The following XKR6 variants were observed in gnomAD, a reference collection of about 807,000 sequenced individuals.
The protein encoded by XKR6 is XK-related protein 6.
In XKR6, 22 loss-of-function variants were observed where a neutral mutation model predicts 56.7. The ratio of observed to expected loss-of-function variants is 0.39; its 90% CI spans 0.28 to 0.55. The LOEUF (loss-of-function observed/expected upper bound fraction) is 0.55. Among genes scored for constraint, XKR6 ranks in the 20% least tolerant of loss-of-function variants. The probability of loss-of-function intolerance (pLI) is 0.66; values close to 1 mark genes in which losing one functional copy is unlikely to be tolerated. For synonymous variants in XKR6, 524 were observed against 387.8 expected (o/e 1.35, Z -4.13); for missense variants, 852 against 889.0 (o/e 0.96, Z 0.53).
At chr8:10,984,732 C>CTCTCTCCCTCTATATATATATA in intron 1 of XKR6, among the ~76,000 whole-genome samples, 1 of 47,494 alleles carries the variant, frequency 2.1e-5, no homozygotes. Context: ...CTCTCTCTCT[C>CTCTCTCCCTCTATATATATATA]TATATATATA....
intron 1 of XKR6, among the ~76,000 whole-genome samples, chr8:10,929,661 G>A (rs1193808257): frequency 6.6e-6 from 1 of 152,234 alleles, no homozygotes; most frequent in Non-Finnish European, 1.5e-5. Flanking sequence ...GTTTCCTCAT[G>A]TATAAAATGC....
chr8:11,199,621 G>A (rs1231491049), intron 1 of XKR6, among the ~76,000 whole-genome samples: 4 of 152,174 alleles, frequency 2.6e-5, no homozygotes, highest in South Asian at 2.1e-4. Context: ...AAGTAAGAGG[G>A]CACAGATGTA....
At chr8:11,192,393 T>C (rs1423602140) in intron 1 of XKR6, among the ~76,000 whole-genome samples, 1 of 151,972 alleles carries the variant, frequency 6.6e-6, no homozygotes, top group African/African-American at 2.4e-5. Context: ...TCGTGATCCA[T>C]CCACCTCAGC....
chr8:11,157,184 G>A (rs1801561992), intron 1 of XKR6, among the ~76,000 whole-genome samples: 1 of 152,154 alleles, frequency 6.6e-6, no homozygotes, highest in Admixed American at 6.5e-5. Context: ...GAAAAGCAAG[G>A]AAAGACCAAG....
chr8:10,917,878 C>A (rs1800604040), intron 2 of XKR6, among the ~76,000 whole-genome samples: 1 of 152,206 alleles, frequency 6.6e-6, no homozygotes, highest in Non-Finnish European at 1.5e-5. Flanking sequence ...GGTTGAACTA[C>A]ACGTTTTCTC....
At chr8:10,924,165 G>C (rs1457869244) in intron 2 of XKR6, among the ~76,000 whole-genome samples, 1 of 152,228 alleles carries the variant, frequency 6.6e-6, no homozygotes, top group Non-Finnish European at 1.5e-5. Flanking sequence ...TACAAATGGG[G>C]CTTACACATG....
chr8:11,108,405 A>G (rs901815824), intron 1 of XKR6: 15 of 444,068 alleles, frequency 3.4e-5, no homozygotes, highest in Non-Finnish European at 6.3e-5. Flanking sequence ...GACATAAGAA[A>G]AAGTCACACT....
chr8:10,911,931 G>A (rs754059084), intron 2 of XKR6, among the ~76,000 whole-genome samples: 2 of 148,924 alleles, frequency 1.3e-5, no homozygotes, highest in African/African-American at 2.5e-5. Context: ...GGGTGAGACT[G>A]TATACATATA....
At chr8:11,061,263 G>C (rs917218191) in intron 1 of XKR6, among the ~76,000 whole-genome samples, 3 of 152,176 alleles carry the variant, frequency 2.0e-5, no homozygotes, top group Non-Finnish European at 4.4e-5. Flanking sequence ...CCAGGAGTTT[G>C]AGCCCAGCCT....
intron 1 of XKR6, among the ~76,000 whole-genome samples, chr8:11,064,386 C>T (rs1427372470): frequency 6.6e-6 from 1 of 152,198 alleles, no homozygotes. Flanking sequence ...TTCTACCCCT[C>T]GTGGTCATGG....
At chr8:10,945,948 T>C (rs1320619798) in intron 1 of XKR6, among the ~76,000 whole-genome samples, 1 of 152,044 alleles carries the variant, frequency 6.6e-6, no homozygotes, top group Non-Finnish European at 1.5e-5. Context: ...GGAGTGAATA[T>C]GGGGACTATA....
At chr8:10,924,156 A>G (rs1373277569) in intron 2 of XKR6, among the ~76,000 whole-genome samples, 1 of 152,254 alleles carries the variant, frequency 6.6e-6, no homozygotes, top group African/African-American at 2.4e-5. Context: ...AAGCTGCTTT[A>G]CAAATGGGGC....
At chr8:11,180,504 G>C (rs553334377) in intron 1 of XKR6, among the ~76,000 whole-genome samples, 2 of 152,254 alleles carry the variant, frequency 1.3e-5, no homozygotes, top group African/African-American at 4.8e-5. Flanking sequence ...CTGCAAGGGT[G>C]GGGGAAGCAA....
chr8:10,979,224 C>T (rs1797668836), intron 1 of XKR6, among the ~76,000 whole-genome samples: 1 of 152,028 alleles, frequency 6.6e-6, no homozygotes, highest in South Asian at 2.1e-4. Context: ...CCTGGAAGGG[C>T]CAGGCCCACT....
chr8:11,044,100 G>C (rs1411435851), intron 1 of XKR6, among the ~76,000 whole-genome samples: 2 of 152,218 alleles, frequency 1.3e-5, no homozygotes, highest in Non-Finnish European at 2.9e-5. Flanking sequence ...GATTGGACAA[G>C]AGACTGATTT....
chr8:11,134,801 C>G (rs1279041840), intron 1 of XKR6, among the ~76,000 whole-genome samples: 3 of 152,020 alleles, frequency 2.0e-5, no homozygotes, highest in South Asian at 4.2e-4. Flanking sequence ...TTATTTGTAA[C>G]AGCAAGAATT....
At chr8:11,178,548 A>ATATATATATATATATATATG (rs1563197712) in intron 1 of XKR6, among the ~76,000 whole-genome samples, 37 of 77,998 alleles carry the variant, frequency 4.7e-4, no homozygotes, top group South Asian at 1.2e-3. Flanking sequence ...AGAGGTAAAA[A>ATATATATATATATATATATG]TATATATATA....
Position 10,978,982 on chromosome 8 carries a change from A to G in XKR6, c.765-54152T>C, listed in dbSNP as rs924705344. ...CCCTCGGGCAAATTACTCTGCTGCC[A>G]TGCCCAGACCCATCTGTCCACCCCC... On this transcript the variant is annotated intron_variant, in intron 1 of 2. Coordinates refer to ENST00000416569, the MANE Select transcript of XKR6 (RefSeq NM_173683.4). Among the ~76,000 whole-genome samples the G allele has an allele frequency of 5.9e-5, 9 of 152,218 alleles. No homozygotes were observed. In the East Asian group the frequency reaches 1.2e-3, roughly 20 times the overall value.
intron 1 of XKR6, among the ~76,000 whole-genome samples, chr8:11,054,751 G>C (rs1009475998): frequency 6.6e-6 from 1 of 152,206 alleles, no homozygotes; most frequent in Non-Finnish European, 1.5e-5. Context: ...GACGGGGTGT[G>C]ATATTGCTGG....
Sources: gnomAD v4.1 joint callset for allele counts (sites outside exome capture counted in the v4.1 genomes callset) on GRCh38, gnomAD v4.1.1 for gene constraint, MANE v1.5 for transcripts, NCBI Gene and HGNC (gene_info 2026-07-23, HGNC 2026-07-21) for gene names.